TRIM50: variants seen among roughly 807,000 people sequenced by gnomAD.
TRIM50 encodes E3 ubiquitin-protein ligase TRIM50.
TRIM50 carries 34 observed loss-of-function variants against 44.9 expected under a neutral mutation model. The ratio of observed to expected loss-of-function variants is 0.76; its 90% CI spans 0.58 to 1.01. The LOEUF is 1.01. Ranked by LOEUF, TRIM50 falls within the 50% of genes least tolerant of loss-of-function variation. TRIM50 has a pLI of 0.00. For missense variants in TRIM50, 633 were observed against 663.7 expected, an observed-to-expected ratio of 0.95 and a Z score of 0.51; for synonymous variants, 307 against 291.1, an observed-to-expected ratio of 1.05 and a Z score of -0.56.
chr7:73,318,517 T>G (rs1804411246), intron 5 of TRIM50, among the ~76,000 whole-genome samples, 170 bp downstream of exon 5: 1 of 152,174 alleles, frequency 6.6e-6, no homozygotes, highest in Non-Finnish European at 1.5e-5. Context: ...TACGAGACCC[T>G]TGAAGGCAGG....
At chr7:73,316,712 C>T in intron 5 of TRIM50, 23 bp from the exon 6 acceptor site, 2 of 1,610,474 alleles carry the variant, frequency 1.2e-6, no homozygotes, top group Non-Finnish European at 8.5e-7. Flanking sequence ...GTTCACAGTA[C>T]AAGAGAGTGA....
Position 73,313,157 on chromosome 7 carries a change from G to C in TRIM50, c.1228C>G (p.His410Asp). The part of the protein sequence containing the change: ...CPRVPLPVAG[H>D]PHRIGLYLHY... ...AGGTAGAGCCCGATGCGGTGGGGGT[G>C]GCCGGCCACGGGCAGGGGTACCCGG... is the stretch of plus-strand genomic sequence containing the variant. Residue 410 changes from histidine to aspartate, a missense_variant, in exon 7 of 7, where the codon CAC becomes GAC. His to Asp is a moderately conservative substitution (Grantham distance 81). Transcript: ENST00000333149. The surrounding 1 kb of genome is among the most constrained non-coding windows in gnomAD (Gnocchi z 4.9). 1 of 1,587,800 alleles carries C rather than the reference G, an allele frequency of 6.3e-7. No homozygotes were observed. The highest frequency in any genetic ancestry group is 8.6e-7 in the Non-Finnish European group (1 of 1,167,376).
At position 73,319,111 on chromosome 7, in the gene TRIM50, G is replaced by T. The variant is rs528213546; in HGVS notation, c.496-59C>A. On this transcript the variant is annotated intron_variant, in intron 3 of 6. Transcript: ENST00000333149. ...CAGCCGAGCTGCCAGGCTCTGTCTG[G>T]CTGGCCTCGGTGTCCCCAGGGCCTT... The T allele has an allele frequency of 5.5e-5, 88 of 1,613,286 alleles. 1 individual carries two copies. In the East Asian group the frequency reaches 1.5e-3, roughly 27 times the overall value.
rs546623201 is a variant in TRIM50 at position 73,320,141 on chromosome 7, A to G, written c.495+6T>C. ...CCAGGCAGGGGCAGAGGGAAGGGGCACTCACGACGATTCGGGTCCGGTTGT... is the reference window on the plus strand; with the variant it reads ...CCAGGCAGGGGCAGAGGGAAGGGGCGCTCACGACGATTCGGGTCCGGTTGT... On this transcript the variant is annotated splice_donor_region_variant and intron_variant, in intron 3 of 6. Transcript: ENST00000333149. 5.0e-6 allele frequency: 8 copies of G among 1,613,902 alleles called. No individual in the cohort carries two copies. The South Asian group carries it at 6.6e-5, about 13-fold the overall frequency.
chr7:73,324,705 A>T lies in TRIM50; in HGVS notation c.83T>A (p.Met28Lys). 1 of 1,614,210 alleles carries T rather than the reference A, an allele frequency of 6.2e-7. No individual in the cohort carries two copies. Among genetic ancestry groups the T allele is most frequent in the South Asian group, 1.1e-5 (1 of 91,080 alleles). Residue 28 changes from methionine (M) to lysine (K), a missense_variant, in exon 2 of 7, where the codon ATG (methionine) becomes AAG (lysine). Transcript: ENST00000333149. ...GCAGTAAGAGTGGCCACACTGCAGC[A>T]TCAGGGGCTCCTTGAAGACCTCCAG... is the stretch of plus-strand genomic sequence containing the variant. ...ICLEVFKEPLMLQCGHSYCKG... is the reference protein window; with the variant it reads ...ICLEVFKEPLKLQCGHSYCKG...
In TRIM50 at chr7:73,313,803, G is replaced by C. The variant is rs1554543676; in HGVS notation, c.875-293C>G. On this transcript the variant is annotated intron_variant, in intron 6 of 6. Transcript: ENST00000333149. The surrounding 1 kb of genome is among the most constrained non-coding windows in gnomAD (Gnocchi z 4.9). ...AAAGGGAGCAGCTTGGTGGGCTGTG[G>C]GGGGCTGAGGTGGCTGGAGAAAGAA... Among the ~76,000 whole-genome samples the C allele has an allele frequency of 1.3e-5, 2 of 152,160 alleles. No homozygotes were observed. Among genetic ancestry groups the C allele is most frequent in the African/African-American group, 4.8e-5 (2 of 41,450 alleles).
At position 73,324,457 on chromosome 7, in the gene TRIM50, A is replaced by C. The variant is rs1804569565; in HGVS notation, c.331T>G (p.Cys111Gly). Residue 111 changes from cysteine (C) to glycine (G), a missense_variant, in exon 2 of 7, where the codon TGC (cysteine) becomes GGC (glycine). Cys to Gly is a radical substitution (Grantham distance 159). Transcript: ENST00000333149. ...TGTTGGTGGGAGCCCAGCAGACCGCAGAGGCCACAGATGAGCTCCTGGTCC... is the reference window on the plus strand; with the variant it reads ...TGTTGGTGGGAGCCCAGCAGACCGCCGAGGCCACAGATGAGCTCCTGGTCC... Reference protein sequence around the residue: ...EKDQELICGLCGLLGSHQHHP... With the variant: ...EKDQELICGLGGLLGSHQHHP... 2 of 1,613,428 alleles carry C rather than the reference A, an allele frequency of 1.2e-6. No homozygotes were observed. The highest frequency in any genetic ancestry group is 2.2e-5 in the South Asian group (2 of 91,042).
At chr7:73,317,892 C>T (rs1804397646) in intron 5 of TRIM50, among the ~76,000 whole-genome samples, 1 of 152,172 alleles carries the variant, frequency 6.6e-6, no homozygotes, top group Admixed American at 6.5e-5. Flanking sequence ...GCAAGGGATG[C>T]CCGGTGCTCC....
chr7:73,324,031 C>T (rs138899702), intron 2 of TRIM50, among the ~76,000 whole-genome samples: 7,052 of 149,708 alleles, frequency 0.047, 234 homozygotes, highest in Middle Eastern at 0.092. Flanking sequence ...CAGAGTGAGA[C>T]GCTGTCTCCA....
Position 73,324,672 on chromosome 7 carries a change from C to G in TRIM50, c.116G>C (p.Cys39Ser). The change falls in exon 2 of 7, where the codon TGC becomes TCC. Residue 39 changes from cysteine to serine, a missense_variant. Physicochemically the swap from Cys to Ser is moderately radical, Grantham distance 112. Transcript: ENST00000333149. ...CAGGTGGCAGGACAGGGAAACCAGG[C>G]AGCCCTTGCAGTAAGAGTGGCCACA... is the stretch of plus-strand genomic sequence containing the variant. The part of the protein sequence containing the change: ...LQCGHSYCKG[C>S]LVSLSCHLDA... The G allele has an allele frequency of 6.2e-7, 1 of 1,614,234 alleles. No homozygotes were observed. The highest frequency in any genetic ancestry group is 1.1e-5 in the South Asian group (1 of 91,084).
chr7:73,320,737 A>G (rs533147341), intron 2 of TRIM50, among the ~76,000 whole-genome samples: 39 of 149,840 alleles, frequency 2.6e-4, no homozygotes, highest in African/African-American at 9.6e-4. Context: ...TTAATTCAAG[A>G]ATATTCTAGG....
rs1554543243 is a variant in TRIM50, at chr7:73,313,062, G to C, written c.1323C>G (p.Thr441=). 1 of 1,585,140 alleles carries C rather than the reference G, an allele frequency of 6.3e-7. No homozygotes were observed. Among genetic ancestry groups the C allele is most frequent in the South Asian group, 1.2e-5 (1 of 86,700 alleles). Residue 441 remains threonine (T), a synonymous_variant, in exon 7 of 7, where the codon ACC becomes ACG. Transcript: ENST00000333149. This position sits in a 1 kb window ranked among gnomAD's most constrained non-coding sequence, Gnocchi z 4.9. ...GCTTGCCCTGGAAGTCGGCCTGGAA[G>C]GTGTAGAGCGGCCGCAGGTCATCGG... ...DRPDDLRPLY[T]FQADFQGKLY...
At position 73,318,890 on chromosome 7, in the gene TRIM50, C is replaced by T. The variant is rs1554544561; in HGVS notation, c.658G>A (p.Glu220Lys). 1.1e-5 allele frequency: 17 copies of T among 1,613,870 alleles called. No homozygotes were observed. The highest frequency in any genetic ancestry group is 1.4e-5 in the Non-Finnish European group (16 of 1,179,870). Residue 220 changes from glutamate (E) to lysine (K), a missense_variant, in exon 4 of 7, where the codon GAG (glutamate) becomes AAG (lysine). Glu to Lys is a moderately conservative substitution (Grantham distance 56). Coordinates refer to ENST00000333149, the MANE Select transcript of TRIM50 (RefSeq NM_178125.3). ...ACACACTCGGCTTGGGCCAGCCGCT[C>T]CCGGGTTCCCTGGGCCTGCTCCAGC... ...MQLEQAQGTR[E>K]RLAQAECVLE...
chr7:73,321,189 T>A (rs1287495678), intron 2 of TRIM50, among the ~76,000 whole-genome samples: 1 of 152,088 alleles, frequency 6.6e-6, no homozygotes. Context: ...AAGAATATTC[T>A]GCATTGACAG....
intron 1 of TRIM50, among the ~76,000 whole-genome samples, chr7:73,327,582 G>A (rs1465069591): frequency 1.3e-5 from 2 of 152,358 alleles, no homozygotes; most frequent in Non-Finnish European, 1.5e-5. Context: ...GTAACCCACA[G>A]CTGGGAGCCC....
In TRIM50 at chr7:73,312,830, G is replaced by T. The variant is rs1586470937; in HGVS notation, c.*91C>A. On this transcript the variant is annotated 3_prime_UTR_variant, in exon 7 of 7. Transcript: ENST00000333149. ...CCTGAAGACCTTCCTAAACAGTGACGATATCACCTCAGGCGGGACCCAGCA... is the reference window on the plus strand; with the variant it reads ...CCTGAAGACCTTCCTAAACAGTGACTATATCACCTCAGGCGGGACCCAGCA... 9.7e-7 allele frequency: 1 copy of T among 1,026,448 alleles called. No homozygotes were observed. Among genetic ancestry groups the T allele is most frequent in the Non-Finnish European group, 1.4e-6 (1 of 725,278 alleles). 63.6% of individuals were successfully genotyped at this position (1,026,448 alleles called of 1,614,324 possible).
chr7:73,314,161 G>A (rs557033895), intron 6 of TRIM50: 17 of 380,674 alleles, frequency 4.5e-5, no homozygotes, highest in East Asian at 7.0e-5. Context: ...CCCTGCTGGC[G>A]TGAAGAAGCA....
chr7:73,327,415 G>C (rs771671281), intron 1 of TRIM50, among the ~76,000 whole-genome samples: 1 of 152,174 alleles, frequency 6.6e-6, no homozygotes, highest in Admixed American at 6.5e-5. Context: ...TGAGCCCAGG[G>C]AGTGGCGGCT....
rs371726315 is a variant in TRIM50, at chr7:73,324,802, C to T, written c.-15G>A. 102 of 1,613,264 alleles carry T rather than the reference C, an allele frequency of 6.3e-5. No individual in the cohort carries two copies. In the African/African-American group the frequency reaches 6.4e-4, roughly 10 times the overall value. Reference sequence around the variant, plus strand: ...TGCCAAGCCATCCACACTCACTGCCCGGGCTGAAACACAGGCATCCGACCT... The same window carrying T: ...TGCCAAGCCATCCACACTCACTGCCTGGGCTGAAACACAGGCATCCGACCT... On this transcript the variant is annotated 5_prime_UTR_variant, in exon 2 of 7. Transcript: ENST00000333149.
Sources: allele counts gnomAD v4.1 joint callset (sites outside exome capture counted in the v4.1 genomes callset), GRCh38; gene constraint gnomAD v4.1.1; non-coding constraint Gnocchi (gnomAD v3.1); transcripts MANE v1.5; gene names NCBI Gene and HGNC (gene_info 2026-07-23, HGNC 2026-07-21).